Variants in AP5Z1 observed in about 807,000 individuals in gnomAD.
AP5Z1 encodes the protein AP-5 complex subunit zeta-1.
AP5Z1 carries 106 observed loss-of-function variants against 83.0 expected under a neutral mutation model. That is an observed-to-expected ratio of 1.28 (90% CI 1.09 to 1.50). The LOEUF (loss-of-function observed/expected upper bound fraction) is 1.50. Ranked by LOEUF, AP5Z1 falls within the 40% of genes most tolerant of loss-of-function variation. AP5Z1 has a pLI of 0.00. For missense variants in AP5Z1, 1,565 were observed against 1,094.2 expected, an observed-to-expected ratio of 1.43 and a Z score of -6.07; for synonymous variants, 751 against 514.1, an observed-to-expected ratio of 1.46 and a Z score of -6.23.
chr7:4,787,868 GGGGA>G, intron 11 of AP5Z1, 92 bp downstream of exon 11: 1 of 1,408,312 alleles, frequency 7.1e-7, no homozygotes, highest in Non-Finnish European at 9.4e-7. Flanking sequence ...CCCCTACACC[GGGGA>G]CCCTCCTTCT....
In AP5Z1 at chr7:4,791,250, G is replaced by C. The variant is rs925870726; in HGVS notation, c.2289G>C (p.Val763=). ...TGACCCTGCTGAAGATGCCTAGCGT[G>C]GCCCAGTTTGTGCTCACACCCAGCA... ...ELLTLLKMPS[V]AQFVLTPSTE... is the part of the protein sequence containing the mutation. Residue 763 remains valine, a synonymous_variant, in exon 17 of 17, where the codon GTG becomes GTC. Transcript: ENST00000649063. 3.7e-6 allele frequency: 6 copies of C among 1,612,642 alleles called. No homozygotes were observed. Among genetic ancestry groups the C allele is most frequent in the Admixed American group, 3.3e-5 (2 of 59,996 alleles).
chr7:4,784,352 C>A lies in AP5Z1; in HGVS notation c.771C>A (p.Gly257=). 1 of 1,597,508 alleles carries A rather than the reference C, an allele frequency of 6.3e-7. No homozygotes were observed. Among genetic ancestry groups the A allele is most frequent in the Non-Finnish European group, 8.5e-7 (1 of 1,173,940 alleles). ...RAWLLHSGPE[G]PGTLDTDDRS... ...GGCTGCTGCACAGCGGCCCCGAGGG[C>A]CCGGGCACCCTGGACACAGGTGTGC... The change falls in exon 6 of 17, where the codon GGC becomes GGA. Residue 257 remains glycine, a synonymous_variant. Transcript: ENST00000649063.
chr7:4,776,499 C>T (rs931003130), intron 1 of AP5Z1, among the ~76,000 whole-genome samples: 8 of 148,820 alleles, frequency 5.4e-5, no homozygotes, highest in African/African-American at 2.0e-4. Context: ...GGCGGATCAC[C>T]TGAGGTCAGG....
At chr7:4,789,045 G>A (rs1158104694) in intron 13 of AP5Z1, 94 bp downstream of exon 13, 3 of 1,104,838 alleles carry the variant, frequency 2.7e-6, no homozygotes, top group Non-Finnish European at 3.9e-6. Context: ...GAGCTCTGCA[G>A]AAGGCTGCTC....
In AP5Z1 at chr7:4,781,634, C is replaced by A. The variant is rs746273793; in HGVS notation, c.246C>A (p.Leu82=). ...GCCTGCCTGCATGCCCCGAGCAGCT[C>A]CAGGTGCTTTGCGCCGCCATCCTGC... ...TLGLPACPEQ[L]QVLCAAILRE... is the part of the protein sequence containing the mutation. Residue 82 remains leucine (L), a synonymous_variant, in exon 3 of 17, where the codon CTC becomes CTA. Transcript: ENST00000649063. 1.2e-6 allele frequency: 2 copies of A among 1,607,776 alleles called. No homozygotes were observed. The highest frequency in any genetic ancestry group is 2.2e-5 in the South Asian group (2 of 91,002).
chr7:4,785,759 C>CT, intron 9 of AP5Z1, 75 bp downstream of exon 9: 6 of 1,318,832 alleles, frequency 4.5e-6, no homozygotes, highest in South Asian at 1.8e-5. Context: ...TTTCTTCTTC[C>CT]CTTTTTTTTT....
At chr7:4,790,043 T>C (rs1222310878) in intron 14 of AP5Z1, 114 bp downstream of exon 14, 2 of 1,019,696 alleles carry the variant, frequency 2.0e-6, no homozygotes, top group Non-Finnish European at 2.6e-6. Context: ...AGCTGGGCCC[T>C]CAGCAGCCTC....
chr7:4,785,539 G>T lies in AP5Z1; in HGVS notation c.987G>T (p.Val329=), dbSNP rs975984209. 8.7e-6 allele frequency: 14 copies of T among 1,612,714 alleles called. No individual in the cohort carries two copies. The highest frequency in any genetic ancestry group is 1.3e-5 in the African/African-American group (1 of 74,924). The change falls in exon 9 of 17, where the codon GTG becomes GTT. Residue 329 remains valine (V), a synonymous_variant. Transcript: ENST00000649063. ...DLQKACLVEA[V]LVLDVLCRQD... ...TCCCGCAGTGCCTGGTGGAGGCCGT[G>T]CTGGTGCTGGACGTGCTGTGCCGGC...
At chr7:4,782,586 C>T (rs1781410560) in intron 3 of AP5Z1, among the ~76,000 whole-genome samples, 3 of 152,040 alleles carry the variant, frequency 2.0e-5, no homozygotes. Context: ...CTTGTGGGCC[C>T]CGGCGTACTC....
intron 13 of AP5Z1, 58 bp downstream of exon 13, chr7:4,789,009 C>G: frequency 6.8e-7 from 1 of 1,460,834 alleles, no homozygotes. Context: ...AGGGGCAGGC[C>G]AGAGCCAGCA....
At chr7:4,784,580 G>T (rs1157267252) in intron 6 of AP5Z1, among the ~76,000 whole-genome samples, 1 of 152,132 alleles carries the variant, frequency 6.6e-6, no homozygotes, top group Non-Finnish European at 1.5e-5. Flanking sequence ...CAGCACCGGG[G>T]ATCCTCTGGA....
At chr7:4,783,250 C>G in intron 3 of AP5Z1, 66 bp from the exon 4 acceptor site, 1 of 1,495,116 alleles carries the variant, frequency 6.7e-7, no homozygotes, top group Non-Finnish European at 9.0e-7. Flanking sequence ...ACACAGACTT[C>G]CGAAATGGGG....
chr7:4,778,390 G>A (rs1029737857), intron 1 of AP5Z1, among the ~76,000 whole-genome samples: 7 of 152,294 alleles, frequency 4.6e-5, no homozygotes, highest in East Asian at 1.9e-4. Context: ...GGGGTGCCCC[G>A]CAAGGTCGGG....
At chr7:4,775,900 G>A in intron 1 of AP5Z1, 144 bp downstream of exon 1, 2 of 1,236,846 alleles carry the variant, frequency 1.6e-6, no homozygotes, top group Middle Eastern at 2.7e-4. Flanking sequence ...GATCGGGTAA[G>A]GCAACACGGC....
chr7:4,785,165 T>G, intron 7 of AP5Z1, 117 bp downstream of exon 7: 1 of 1,467,026 alleles, frequency 6.8e-7, no homozygotes, highest in East Asian at 2.3e-5. Flanking sequence ...GGTCCCTGGG[T>G]AGCCGGTTTG....
In AP5Z1 at chr7:4,791,574, G is replaced by T; in HGVS notation, c.*189G>T. 2 of 861,684 alleles carry T rather than the reference G, an allele frequency of 2.3e-6. No individual in the cohort carries two copies. Among genetic ancestry groups the T allele is most frequent in the Non-Finnish European group, 3.5e-6 (2 of 576,148 alleles). The allele number at this position is 861,684 out of a possible 1,614,324, so 53.4% of individuals were successfully genotyped here. A position where few individuals can be genotyped will look rare whatever the true frequency, so the allele number is the denominator to read the frequency against. On this transcript the variant is annotated 3_prime_UTR_variant, in exon 17 of 17. Coordinates refer to ENST00000649063, the MANE Select transcript of AP5Z1 (RefSeq NM_014855.3). ...TGCTCACCCTCTGGGCTTTGTCTCC[G>T]AGCCTTTTGCTCCCAGGCAACACTG...
chr7:4,784,445 C>T (rs970823462), intron 6 of AP5Z1, 74 bp downstream of exon 6: 15 of 1,476,214 alleles, frequency 1.0e-5, no homozygotes, highest in Middle Eastern at 2.4e-4. Context: ...CAGGGGGACA[C>T]GGGCGGAGGT....
At chr7:4,789,992 T>TCCC in intron 14 of AP5Z1, 63 bp downstream of exon 14, 1 of 516,478 alleles carries the variant, frequency 1.9e-6, no homozygotes, top group Non-Finnish European at 2.5e-6. Flanking sequence ...CCTCCCCCTC[T>TCCC]CCCCTCCCCC....
rs1221335989 is a variant in AP5Z1, at chr7:4,788,859, C to T, written c.1615C>T (p.Leu539=). 5 of 1,608,098 alleles carry T rather than the reference C, an allele frequency of 3.1e-6. No individual in the cohort carries two copies. Among genetic ancestry groups the T allele is most frequent in the Non-Finnish European group, 4.2e-6 (5 of 1,177,928 alleles). Residue 539 remains leucine, a synonymous_variant, in exon 13 of 17, where the codon CTG becomes TTG. Transcript: ENST00000649063. ...CCTCAGGTTGGCGCCACTCCACCAGCTGCTGCAGCCCATGGCCGGCTGTGC... is the reference window on the plus strand; with the variant it reads ...CCTCAGGTTGGCGCCACTCCACCAGTTGCTGCAGCCCATGGCCGGCTGTGC... The part of the protein sequence containing the change: ...ATERLAPLHQ[L]LQPMAGCARV...
Sources: allele counts gnomAD v4.1 joint callset (sites outside exome capture counted in the v4.1 genomes callset), GRCh38; gene constraint gnomAD v4.1.1; transcripts MANE v1.5; gene names NCBI Gene and HGNC (gene_info 2026-07-23, HGNC 2026-07-21).